MIDEAS: variants seen among roughly 807,000 people sequenced by gnomAD.
MIDEAS encodes the protein mitotic deacetylase-associated SANT domain protein.
Under a neutral mutation model 102.7 loss-of-function variants are expected in MIDEAS, and 26 were observed. That is an observed-to-expected ratio of 0.25 (90% CI 0.19 to 0.35). The LOEUF (loss-of-function observed/expected upper bound fraction) is 0.35. Among genes scored for constraint, MIDEAS ranks in the 10% least tolerant of loss-of-function variants. The probability of loss-of-function intolerance (pLI) is 1.00; values close to 1 mark genes in which losing one functional copy is unlikely to be tolerated. For missense variants in MIDEAS, 1,231 were observed against 1,435.6 expected, an observed-to-expected ratio of 0.86 and a Z score of 2.30; for synonymous variants, 585 against 591.0, an observed-to-expected ratio of 0.99 and a Z score of 0.15.
intron 1 of MIDEAS, among the ~76,000 whole-genome samples, chr14:73,783,462 G>T (rs1458410142): frequency 6.6e-6 from 1 of 152,168 alleles, no homozygotes; most frequent in Non-Finnish European, 1.5e-5. Flanking sequence ...GACGGGAGAG[G>T]AGCAAAGGTC....
intron 1 of MIDEAS, among the ~76,000 whole-genome samples, chr14:73,751,907 A>G (rs553235242): frequency 3.9e-5 from 6 of 152,244 alleles, no homozygotes; most frequent in Admixed American, 3.9e-4. Flanking sequence ...TCTCAAAAAA[A>G]TAAATAAAGT....
At chr14:73,781,970 T>A (rs993236789) in intron 1 of MIDEAS, among the ~76,000 whole-genome samples, 1 of 151,980 alleles carries the variant, frequency 6.6e-6, no homozygotes, top group Non-Finnish European at 1.5e-5. Context: ...GGCAGGAGAA[T>A]CGCTTGAACC....
chr14:73,719,106 G>A, intron 12 of MIDEAS, 98 bp from the exon 13 acceptor site: 3 of 1,455,732 alleles, frequency 2.1e-6, no homozygotes, highest in Non-Finnish European at 2.7e-6. Flanking sequence ...TCACCCCCAC[G>A]CTGCACAGCC....
In MIDEAS at chr14:73,775,922, A is replaced by G. The variant is rs201429470; in HGVS notation, c.-248+11180T>C. Among the ~76,000 whole-genome samples, 4 of 151,928 alleles carry G rather than the reference A, an allele frequency of 2.6e-5. No individual in the cohort carries two copies. The East Asian group carries it at 7.8e-4, about 30-fold the overall frequency. ...GCTGTAGCTCCTTTAGCGCTCTCAG[A>G]AAGGAGATAGGGTAGAACATCTCAA... On this transcript the variant is annotated intron_variant, in intron 1 of 11. Transcript: ENST00000394071.
intron 1 of MIDEAS, among the ~76,000 whole-genome samples, chr14:73,783,172 G>T (rs1041815122): frequency 6.6e-6 from 1 of 152,188 alleles, no homozygotes; most frequent in African/African-American, 2.4e-5. Flanking sequence ...TGGCCCAAAA[G>T]AGAAAGTGAA....
chr14:73,723,537 C>G (rs1779778593), intron 9 of MIDEAS: 1 of 152,224 alleles, frequency 6.6e-6, no homozygotes, highest in Admixed American at 6.5e-5. Context: ...GAGATACGTG[C>G]TGAAAGGTTT....
upstream of MIDEAS, chr14:73,790,074 T>C (rs2053855120): frequency 6.6e-6 from 1 of 152,132 alleles, no homozygotes; most frequent in African/African-American, 2.4e-5. Flanking sequence ...GTCCTGCTGT[T>C]GAAGAGCAAG....
chr14:73,728,671 G>A (rs1280605036), intron 4 of MIDEAS: 1 of 152,242 alleles, frequency 6.6e-6, no homozygotes, highest in African/African-American at 2.4e-5. Flanking sequence ...TAATGACCTT[G>A]CATTCTCTAT....
intron 1 of MIDEAS, among the ~76,000 whole-genome samples, chr14:73,774,491 AG>A (rs1394073618): frequency 2.8e-4 from 43 of 151,890 alleles, no homozygotes; most frequent in African/African-American, 9.9e-4. Flanking sequence ...GACAGTGCTG[AG>A]CATGAGAAAC....
At chr14:73,731,508 C>T (rs1321650872) in intron 3 of MIDEAS, among the ~76,000 whole-genome samples, 2 of 151,802 alleles carry the variant, frequency 1.3e-5, no homozygotes, top group East Asian at 1.9e-4. Context: ...AAAGGCCCCC[C>T]AAACTTTCTT....
At chr14:73,752,645 T>A (rs2053434484) in intron 1 of MIDEAS, among the ~76,000 whole-genome samples, 2 of 152,104 alleles carry the variant, frequency 1.3e-5, no homozygotes, top group Non-Finnish European at 2.9e-5. Flanking sequence ...GGCTGCAAAC[T>A]GGGCACAGAC....
chr14:73,752,362 C>G (rs372959718), intron 1 of MIDEAS, among the ~76,000 whole-genome samples: 3 of 152,080 alleles, frequency 2.0e-5, no homozygotes, highest in Non-Finnish European at 1.5e-5. Context: ...CCTTGACATT[C>G]GTCTGGGGGA....
Position 73,725,474 on chromosome 14 carries a change from C to G in MIDEAS, c.2486-114G>C. 1 of 789,096 alleles carries G rather than the reference C, an allele frequency of 1.3e-6. No homozygotes were observed. The highest frequency in any genetic ancestry group is 2.2e-6 in the Non-Finnish European group (1 of 462,266). The allele number at this position is 789,096 out of a possible 1,614,324, so 48.9% of individuals were successfully genotyped here. A position where few individuals can be genotyped will look rare whatever the true frequency, so the allele number is the denominator to read the frequency against. On this transcript the variant is annotated intron_variant, in intron 8 of 12. Coordinates refer to ENST00000423556, the MANE Select transcript of MIDEAS (RefSeq NM_001367710.1). This position sits in a 1 kb window ranked among gnomAD's most constrained non-coding sequence, Gnocchi z 4.1. ...ATCCGCCCATGGTTTCTGCAGGCAT[C>G]AGAGCCGGCTCCTCGTCCCACTTCC...
intron 5 of MIDEAS, 87 bp downstream of exon 5, chr14:73,727,371 C>G (rs919743321): frequency 2.1e-6 from 3 of 1,411,614 alleles, no homozygotes; most frequent in Admixed American, 3.4e-5. Context: ...CCCCACGGAA[C>G]CCTCCTGTTG....
intron 1 of MIDEAS, among the ~76,000 whole-genome samples, chr14:73,769,024 T>C (rs6574141): frequency 0.76 from 115,425 of 152,168 alleles, 44,635 homozygotes; most frequent in African/African-American, 0.9. Flanking sequence ...CCTTCTGTTC[T>C]CTGCTGGCCT....
chr14:73,741,550 G>A (rs1227911400), intron 1 of MIDEAS, among the ~76,000 whole-genome samples: 1 of 152,130 alleles, frequency 6.6e-6, no homozygotes, highest in Non-Finnish European at 1.5e-5. Flanking sequence ...CAGCAGCAGC[G>A]GAGGGCAGGG....
At chr14:73,787,854 T>C (rs1295511799), upstream of MIDEAS, among the ~76,000 whole-genome samples, 1 of 151,970 alleles carries the variant, frequency 6.6e-6, no homozygotes, top group Admixed American at 6.6e-5. Context: ...GTTCTAATCC[T>C]CCCCCGCGAT....
chr14:73,721,433 T>C lies in MIDEAS; in HGVS notation c.2801A>G (p.Glu934Gly), dbSNP rs2052990257. 1 of 1,613,938 alleles carries C rather than the reference T, an allele frequency of 6.2e-7. No homozygotes were observed. The highest frequency in any genetic ancestry group is 1.3e-5 in the African/African-American group (1 of 74,866). ...PSEERLEPKR[E>G]VKEPRKEGEE... Reference sequence around the variant, plus strand: ...CCCCTCCTTCCTGGGCTCCTTCACCTCCCTCTTGGGCTCCAGCCTCTCTTC... The same window carrying C: ...CCCCTCCTTCCTGGGCTCCTTCACCCCCCTCTTGGGCTCCAGCCTCTCTTC... Residue 934 changes from glutamate (E) to glycine (G), a missense_variant, in exon 11 of 13, where the codon GAG (glutamate) becomes GGG (glycine). Transcript: ENST00000423556.
chr14:73,738,203 C>T lies in MIDEAS; in HGVS notation c.1449+357G>A, dbSNP rs2140121388. On this transcript the variant is annotated intron_variant, in intron 2 of 12. Transcript: ENST00000423556. ...ACGAGGTCAGGAGTTCGAGACCAGC[C>T]TGACCAACATGGTAAAACCCTGTCT... 2.0e-5 allele frequency among the ~76,000 whole-genome samples: 3 copies of T among 152,064 alleles called. No individual in the cohort carries two copies. In the South Asian group the frequency reaches 6.2e-4, roughly 32 times the overall value.
Sources: gnomAD v4.1 joint callset for allele counts (sites outside exome capture counted in the v4.1 genomes callset) on GRCh38, gnomAD v4.1.1 for gene constraint, Gnocchi (gnomAD v3.1) non-coding constraint, MANE v1.5 for transcripts, NCBI Gene and HGNC (gene_info 2026-07-23, HGNC 2026-07-21) for gene names.